The following FAM117A variants were observed in gnomAD, a reference collection of about 807,000 sequenced individuals.
FAM117A encodes the protein family with sequence similarity 117 member A, also known as protein FAM117A.
Under a neutral mutation model 44.1 loss-of-function variants are expected in FAM117A, and 21 were observed. That is an observed-to-expected ratio of 0.48 (90% CI 0.34 to 0.69). The LOEUF is 0.69. FAM117A is among the 30% of genes least tolerant of loss of function. The pLI is 0.01. For synonymous variants in FAM117A, 220 were observed against 238.3 expected, an observed-to-expected ratio of 0.92 and a Z score of 0.71; for missense variants, 498 against 589.9, an observed-to-expected ratio of 0.84 and a Z score of 1.61.
At chr17:49,754,932 A>C (rs1598032064) in intron 1 of FAM117A, among the ~76,000 whole-genome samples, 2 of 149,332 alleles carry the variant, frequency 1.3e-5, no homozygotes, top group African/African-American at 4.9e-5. Context: ...CAGCTACTCG[A>C]GAGGCTGAGG....
intron 1 of FAM117A, among the ~76,000 whole-genome samples, chr17:49,754,227 G>A (rs141385813): frequency 3.5e-4 from 53 of 152,298 alleles, no homozygotes; most frequent in Non-Finnish European, 6.3e-4. Context: ...TGCAGCTGTG[G>A]GGCAGGGAGT....
chr17:49,786,702 G>A (rs993833180), intron 1 of FAM117A, among the ~76,000 whole-genome samples: 26 of 149,108 alleles, frequency 1.7e-4, no homozygotes, highest in African/African-American at 6.0e-4. Context: ...GCCTGAACCC[G>A]GGAGGCGGAG....
intron 1 of FAM117A, among the ~76,000 whole-genome samples, chr17:49,769,220 G>A (rs373537471): frequency 6.6e-5 from 10 of 152,068 alleles, no homozygotes; most frequent in South Asian, 2.1e-4. Flanking sequence ...CCTTGAACCC[G>A]GGAGGCGGAG....
intron 2 of FAM117A, among the ~76,000 whole-genome samples, chr17:49,726,472 A>G (rs566823409): frequency 6.6e-6 from 1 of 152,302 alleles, no homozygotes; most frequent in Admixed American, 6.5e-5. Flanking sequence ...TCAGCCTCCT[A>G]AAGTGCTGGG....
Position 49,716,833 on chromosome 17 carries a change from T to C in FAM117A, c.911-518A>G, listed in dbSNP as rs1451224355. On this transcript the variant is annotated intron_variant, in intron 6 of 7. Coordinates refer to ENST00000240364, the MANE Select transcript of FAM117A (RefSeq NM_030802.4). Reference sequence around the variant, plus strand: ...ATGTACTTTGCCTAGGTTGCAAATATTGACTTTATCTGTATTTATCTCACA... The same window carrying C: ...ATGTACTTTGCCTAGGTTGCAAATACTGACTTTATCTGTATTTATCTCACA... Among the ~76,000 whole-genome samples the C allele has an allele frequency of 5.3e-5, 8 of 152,350 alleles. No individual in the cohort carries two copies. In the East Asian group the frequency reaches 1.5e-3, roughly 29 times the overall value.
In FAM117A at chr17:49,750,385, A is replaced by AG. The variant is rs1173006447; in HGVS notation, c.196+13506dup. Among the ~76,000 whole-genome samples the AG allele has an allele frequency of 1.3e-5, 2 of 149,012 alleles. 1 individual carries two copies. Among genetic ancestry groups the AG allele is most frequent in the Non-Finnish European group, 3.0e-5 (2 of 66,116 alleles). The stretch of plus-strand genomic sequence containing the variant: ...GAGGATCAAGATGAAGAGAAAGCGA[A>AG]GGAGGCATGCTATTTGGTGATGGTT... On this transcript the variant is annotated intron_variant, in intron 1 of 7. Coordinates refer to ENST00000240364, the MANE Select transcript of FAM117A (RefSeq NM_030802.4).
chr17:49,776,366 G>A (rs1348791960), intron 1 of FAM117A, among the ~76,000 whole-genome samples: 1 of 152,140 alleles, frequency 6.6e-6, no homozygotes, highest in African/African-American at 2.4e-5. Context: ...GAGGGGCTCA[G>A]TGGACTAGGT....
In FAM117A at chr17:49,776,606, C is replaced by G. The variant is rs142725103; in HGVS notation, c.-621+11891G>C. Among the ~76,000 whole-genome samples the G allele has an allele frequency of 6.1e-3, 929 of 152,262 alleles. 8 individuals carry two copies. The highest frequency in any genetic ancestry group is 0.027 in the Middle Eastern group (8 of 294). ...TATGTCTCTGCCTCCAGTGGACTAG[C>G]CTAGGACCAAATCCACTCCCTCTCT... On this transcript the variant is annotated intron_variant, in intron 1 of 7. Coordinates refer to the FAM117A transcript ENST00000513602.
At chr17:49,713,783 G>A (rs2073489048) in intron 7 of FAM117A, among the ~76,000 whole-genome samples, 2 of 152,106 alleles carry the variant, frequency 1.3e-5, no homozygotes, top group South Asian at 4.1e-4. Context: ...TGGAATTATA[G>A]GTATCAGCCA....
At chr17:49,716,043 G>A in intron 7 of FAM117A, 122 bp downstream of exon 7, 1 of 1,068,062 alleles carries the variant, frequency 9.4e-7, no homozygotes, top group Non-Finnish European at 1.4e-6. Flanking sequence ...ATGGAAAGCT[G>A]GCAATACTTA....
At chr17:49,778,213 A>G (rs1174821619) in intron 1 of FAM117A, among the ~76,000 whole-genome samples, 1 of 152,088 alleles carries the variant, frequency 6.6e-6, no homozygotes, top group Non-Finnish European at 1.5e-5. Flanking sequence ...ATACTACCTT[A>G]TTTATCCTTC....
chr17:49,767,274 G>C (rs1436157846), upstream of FAM117A, among the ~76,000 whole-genome samples: 7 of 152,192 alleles, frequency 4.6e-5, no homozygotes, highest in African/African-American at 1.7e-4. Context: ...ACTGCTAAGG[G>C]GAGATGACTT....
chr17:49,786,050 A>T (rs1390538070), intron 1 of FAM117A, among the ~76,000 whole-genome samples: 2 of 152,168 alleles, frequency 1.3e-5, no homozygotes, highest in Non-Finnish European at 2.9e-5. Context: ...AAAGAAGAAG[A>T]AATAAGCTTT....
intron 2 of FAM117A, among the ~76,000 whole-genome samples, chr17:49,731,177 C>T (rs2073583003): frequency 6.6e-6 from 1 of 152,212 alleles, no homozygotes; most frequent in Non-Finnish European, 1.5e-5. Context: ...GTCATTTGGC[C>T]ATCATGCCAC....
chr17:49,764,029 C>T lies in FAM117A; in HGVS notation c.59G>A (p.Gly20Glu), dbSNP rs1471787949. Residue 20 changes from glycine (G) to glutamate (E), a missense_variant, in exon 1 of 8, where the codon GGG (glycine) becomes GAG (glutamate). Coordinates refer to ENST00000240364, the MANE Select transcript of FAM117A (RefSeq NM_030802.4). ...GGGAWGPGRG[G>E]AGGLRRGCSP... Reference sequence around the variant, plus strand: ...GCAGCCCCGCCGGAGCCCCCCGGCCCCTCCGCGCCCCGGCCCCCAGGCACC... The same window carrying T: ...GCAGCCCCGCCGGAGCCCCCCGGCCTCTCCGCGCCCCGGCCCCCAGGCACC... 1.7e-6 allele frequency: 2 copies of T among 1,200,454 alleles called. No individual in the cohort carries two copies. Among genetic ancestry groups the T allele is most frequent in the East Asian group, 6.5e-5 (2 of 30,748 alleles). The allele number at this position is 1,200,454 out of a possible 1,614,324, so 74.4% of individuals were successfully genotyped here.
intron 1 of FAM117A, among the ~76,000 whole-genome samples, chr17:49,751,040 G>C (rs2073675003): frequency 6.6e-6 from 1 of 152,106 alleles, no homozygotes. Context: ...AGCACTTTGG[G>C]GGGCCGAGGC....
chr17:49,782,137 A>G (rs1235681188), intron 1 of FAM117A, among the ~76,000 whole-genome samples: 1 of 152,086 alleles, frequency 6.6e-6, no homozygotes, highest in African/African-American at 2.4e-5. Context: ...GCACTTTGGG[A>G]GGCCGAGGTG....
chr17:49,764,135 C>A, upstream of FAM117A: 1 of 987,440 alleles, frequency 1.0e-6, no homozygotes, highest in East Asian at 3.1e-5. Flanking sequence ...CTCACACAGC[C>A]CCCCAACCCC....
At chr17:49,769,563 G>T (rs2073755039) in intron 1 of FAM117A, among the ~76,000 whole-genome samples, 1 of 152,036 alleles carries the variant, frequency 6.6e-6, no homozygotes, top group Non-Finnish European at 1.5e-5. Context: ...AGCCGGGCAT[G>T]GTGGCGGGCG....
Sources: gnomAD v4.1 joint callset for allele counts (sites outside exome capture counted in the v4.1 genomes callset) on GRCh38, gnomAD v4.1.1 for gene constraint, MANE v1.5 for transcripts, NCBI Gene and HGNC (gene_info 2026-07-23, HGNC 2026-07-21) for gene names.